Variants in SLC22A15 observed in about 807,000 individuals in gnomAD.
SLC22A15 encodes the protein solute carrier family 22 member 15.
SLC22A15 carries 45 observed loss-of-function variants against 62.7 expected under a neutral mutation model. That is an observed-to-expected ratio of 0.72 (90% CI 0.56 to 0.92). The LOEUF is 0.92. SLC22A15 is among the 40% of genes least tolerant of loss of function. The pLI is 0.00. For missense variants in SLC22A15, 622 were observed against 665.6 expected, an observed-to-expected ratio of 0.93 and a Z score of 0.72; for synonymous variants, 264 against 267.0, an observed-to-expected ratio of 0.99 and a Z score of 0.11.
chr1:116,007,414 T>C (rs1656035991), intron 2 of SLC22A15, among the ~76,000 whole-genome samples: 1 of 152,190 alleles, frequency 6.6e-6, no homozygotes. Context: ...CATGATGCTT[T>C]GCAAGGGTGG....
chr1:116,032,665 A>T (rs895946681), intron 6 of SLC22A15: 29 of 978,238 alleles, frequency 3.0e-5, no homozygotes, highest in Non-Finnish European at 3.3e-5. Context: ...CAGCACTAGG[A>T]ATATCACAGA....
chr1:116,004,857 A>G (rs1655899586), intron 2 of SLC22A15, among the ~76,000 whole-genome samples: 1 of 152,066 alleles, frequency 6.6e-6, no homozygotes, highest in Non-Finnish European at 1.5e-5. Context: ...TTCTGGGGCT[A>G]TTTTGTCAAA....
At chr1:116,032,408 G>C in intron 6 of SLC22A15, 1 of 985,322 alleles carries the variant, frequency 1.0e-6, no homozygotes, top group Non-Finnish European at 1.2e-6. Flanking sequence ...GGACAGTTGT[G>C]CTGTGGCTTA....
At chr1:115,987,386 G>A (rs1328374987) in intron 1 of SLC22A15, among the ~76,000 whole-genome samples, 2 of 152,026 alleles carry the variant, frequency 1.3e-5, no homozygotes, top group Non-Finnish European at 2.9e-5. Context: ...GGATGGTCTC[G>A]ATCTCCTGAC....
At chr1:116,005,679 C>G (rs1655940951) in intron 2 of SLC22A15, among the ~76,000 whole-genome samples, 1 of 152,096 alleles carries the variant, frequency 6.6e-6, no homozygotes, top group Admixed American at 6.5e-5. Flanking sequence ...ACCACCACTC[C>G]TACTCCCAAC....
Position 115,992,066 on chromosome 1 carries a change from G to A in SLC22A15, c.123G>A (p.Leu41=). Residue 41 remains leucine (L), a synonymous_variant, in exon 2 of 12, where the codon CTG becomes CTA. Coordinates refer to ENST00000369503, the MANE Select transcript of SLC22A15 (RefSeq NM_018420.3). ...CCACGGAGGCCATCCTCATTGCACT[G>A]GTTGGGGCCACGCCATCCTACCACT... The part of the protein sequence containing the change: ...YVATEAILIA[L]VGATPSYHWD... 1 of 1,613,886 alleles carries A rather than the reference G, an allele frequency of 6.2e-7. No individual in the cohort carries two copies. The highest frequency in any genetic ancestry group is 8.5e-7 in the Non-Finnish European group (1 of 1,179,880).
rs1012342062 is a variant in SLC22A15 at position 116,069,733 on chromosome 1, A to G, written c.*2625A>G. ...TTAGTATTTAAAAATGAGCAAATAA[A>G]CAAAATGAGGCAAATAAATGAAGAA... On this transcript the variant is annotated 3_prime_UTR_variant, in exon 12 of 12. Transcript: ENST00000369503. The G allele has an allele frequency of 6.6e-6, 1 of 152,208 alleles. No homozygotes were observed. The highest frequency in any genetic ancestry group is 1.5e-5 in the Non-Finnish European group (1 of 68,030). 9.4% of individuals were successfully genotyped at this position (152,208 alleles called of 1,614,324 possible). A position where few individuals can be genotyped will look rare whatever the true frequency, so the allele number is the denominator to read the frequency against.
chr1:116,060,554 C>T (rs1216362665), intron 8 of SLC22A15, among the ~76,000 whole-genome samples: 1 of 152,188 alleles, frequency 6.6e-6, no homozygotes, highest in Non-Finnish European at 1.5e-5. Context: ...CCATACAGTT[C>T]TGAAAGATAC....
intron 4 of SLC22A15, among the ~76,000 whole-genome samples, chr1:116,022,957 G>A (rs1248199851): frequency 6.6e-6 from 1 of 151,966 alleles, no homozygotes; most frequent in Non-Finnish European, 1.5e-5. Flanking sequence ...TCTTCCCCAG[G>A]GTTTTGTCCT....
intron 10 of SLC22A15, 34 bp downstream of exon 10, chr1:116,064,542 A>G (rs778243235): frequency 7.0e-6 from 10 of 1,419,576 alleles, no homozygotes; most frequent in African/African-American, 1.4e-5. Flanking sequence ...GTTTTTCTTG[A>G]TTCTCTGCTT....
rs1302290816 is a variant in SLC22A15, at chr1:116,028,551, A to G, written c.728+1529A>G. Among the ~76,000 whole-genome samples the G allele has an allele frequency of 3.0e-3, 404 of 132,544 alleles. 5 individuals are homozygous for G. Among genetic ancestry groups the G allele is most frequent in the African/African-American group, 0.011 (394 of 34,930 alleles). The allele number at this position is 132,544 out of a possible 152,430, so 87.0% of individuals were successfully genotyped here. On this transcript the variant is annotated intron_variant, in intron 5 of 11. Transcript: ENST00000369503. ...TTTTTTTTTTTTTTTTTTTTTTTAA[A>G]ATATATAGTCTGAACTAGTTACTGT...
At position 116,019,536 on chromosome 1, in the gene SLC22A15, G is replaced by A. The variant is rs761090112; in HGVS notation, c.301-46G>A. The A allele has an allele frequency of 4.5e-6, 7 of 1,540,848 alleles. No individual in the cohort carries two copies. In the South Asian group the frequency reaches 8.9e-5, roughly 20 times the overall value. On this transcript the variant is annotated intron_variant, in intron 2 of 11. Transcript: ENST00000369503. ...TTGTTGCACATTTGGTTTTTTAATAGCTAACTGAATCCTACATGTCTCTCT... is the reference window on the plus strand; with the variant it reads ...TTGTTGCACATTTGGTTTTTTAATAACTAACTGAATCCTACATGTCTCTCT...
chr1:116,009,338 G>A (rs1306622856), intron 2 of SLC22A15, among the ~76,000 whole-genome samples: 1 of 142,102 alleles, frequency 7.0e-6, no homozygotes, highest in South Asian at 2.1e-4. Flanking sequence ...GTTAGTTCAC[G>A]CACTGTACTT....
intron 10 of SLC22A15, among the ~76,000 whole-genome samples, chr1:116,065,953 CT>C (rs1487061166): frequency 6.6e-6 from 1 of 152,150 alleles, no homozygotes; most frequent in Non-Finnish European, 1.5e-5. Flanking sequence ...ATCACCAGCC[CT>C]TAACCATGTT....
Position 115,995,583 on chromosome 1 carries a change from A to G in SLC22A15, c.300+3340A>G, listed in dbSNP as rs1240269976. On this transcript the variant is annotated intron_variant, in intron 2 of 11. Transcript: ENST00000369503. ...GTTATTTCTTAACTCCAGCACTTCC[A>G]TCACATTTACTAGCTTGCATACTTT... Among the ~76,000 whole-genome samples the G allele has an allele frequency of 2.6e-5, 4 of 152,160 alleles. No individual in the cohort carries two copies. In the South Asian group the frequency reaches 6.2e-4, roughly 24 times the overall value.
At chr1:115,982,394 A>G (rs1369487056) in intron 1 of SLC22A15, among the ~76,000 whole-genome samples, 1 of 152,212 alleles carries the variant, frequency 6.6e-6, no homozygotes, top group Non-Finnish European at 1.5e-5. Flanking sequence ...TCTTTATTAT[A>G]TAAATATTGT....
At chr1:116,040,015 C>A (rs556989457) in intron 8 of SLC22A15, among the ~76,000 whole-genome samples, 72 of 152,286 alleles carry the variant, frequency 4.7e-4, no homozygotes, top group African/African-American at 1.7e-3. Context: ...CCTCACTTTT[C>A]CTTACCAAAC....
chr1:115,988,687 ATTTTT>A (rs33995476), intron 1 of SLC22A15, among the ~76,000 whole-genome samples: 2 of 140,492 alleles, frequency 1.4e-5, no homozygotes. Context: ...TGCCCAGCTA[ATTTTT>A]TTTTTTTTTT....
chr1:115,990,102 G>A (rs914468010), intron 1 of SLC22A15, among the ~76,000 whole-genome samples: 1 of 152,230 alleles, frequency 6.6e-6, no homozygotes, highest in Non-Finnish European at 1.5e-5. Context: ...GCAAGAAACA[G>A]GAGAGGACTT....
Sources: gnomAD v4.1 joint callset for allele counts (sites outside exome capture counted in the v4.1 genomes callset) on GRCh38, gnomAD v4.1.1 for gene constraint, MANE v1.5 for transcripts, NCBI Gene and HGNC (gene_info 2026-07-23, HGNC 2026-07-21) for gene names.